GRK5: variants seen among roughly 807,000 people sequenced by gnomAD.
GRK5 encodes G protein-coupled receptor kinase 5, also known as g protein-coupled receptor kinase GRK5.
Under a neutral mutation model 78.4 loss-of-function variants are expected in GRK5, and 40 were observed. That is an observed-to-expected ratio of 0.51 (90% confidence interval 0.40 to 0.66). The LOEUF (loss-of-function observed/expected upper bound fraction) is 0.66. GRK5 is among the 30% of genes least tolerant of loss of function. GRK5 has a pLI of 0.00. For synonymous variants in GRK5, 289 were observed against 296.8 expected, an observed-to-expected ratio of 0.97 and a Z score of 0.27; for missense variants, 598 against 759.9, an observed-to-expected ratio of 0.79 and a Z score of 2.50.
chr10:119,443,789 G>A, intron 12 of GRK5, 37 bp downstream of exon 12: 6 of 1,540,088 alleles, frequency 3.9e-6, no homozygotes, highest in Non-Finnish European at 5.3e-6. Context: ...CCTCAAGCTG[G>A]TGGCTCCCCT....
At chr10:119,393,963 CTG>C (rs1251141902) in intron 3 of GRK5, among the ~76,000 whole-genome samples, 1 of 137,426 alleles carries the variant, frequency 7.3e-6, no homozygotes, top group Non-Finnish European at 1.6e-5. Flanking sequence ...GTGTGGGTGT[CTG>C]TGTGTAGGTG....
intron 6 of GRK5, among the ~76,000 whole-genome samples, chr10:119,425,423 C>G: frequency 6.6e-6 from 1 of 152,180 alleles, no homozygotes; most frequent in South Asian, 2.1e-4. Context: ...TAATCCAGTG[C>G]CCTGTTGATG....
intron 1 of GRK5, among the ~76,000 whole-genome samples, chr10:119,216,953 A>C (rs1589684053): frequency 6.6e-6 from 1 of 152,186 alleles, no homozygotes; most frequent in South Asian, 2.1e-4. Flanking sequence ...TTTAAAAAAA[A>C]ACATAAAAAT....
At chr10:119,265,833 G>A (rs572880073) in intron 1 of GRK5, among the ~76,000 whole-genome samples, 1 of 152,318 alleles carries the variant, frequency 6.6e-6, no homozygotes, top group Admixed American at 6.5e-5. Context: ...CTGGCCACAC[G>A]CCCTCTCAGC....
chr10:119,331,541 C>T (rs1432799659), intron 2 of GRK5, among the ~76,000 whole-genome samples: 2 of 152,252 alleles, frequency 1.3e-5, no homozygotes, highest in African/African-American at 4.8e-5. Context: ...GACACATGAG[C>T]TCACTTTCTG....
At position 119,253,559 on chromosome 10, in the gene GRK5, C is replaced by T. The variant is rs1182238739; in HGVS notation, c.52+45590C>T. ...TGTGATATGCTTGCGGGATGCTGCCCCACCACGGCTGGAACCAGGGCTTCA... is the reference window on the plus strand; with the variant it reads ...TGTGATATGCTTGCGGGATGCTGCCTCACCACGGCTGGAACCAGGGCTTCA... On this transcript the variant is annotated intron_variant, in intron 1 of 15. Transcript: ENST00000392870. This position sits in a 1 kb window ranked among gnomAD's most constrained non-coding sequence, Gnocchi z 5.7. Among the ~76,000 whole-genome samples the T allele has an allele frequency of 6.6e-6, 1 of 152,214 alleles. No individual in the cohort carries two copies. The highest frequency in any genetic ancestry group is 1.5e-5 in the Non-Finnish European group (1 of 68,038).
In GRK5 at chr10:119,407,700, C is replaced by A. The variant is rs568349560; in HGVS notation, c.339+10928C>A. Among the ~76,000 whole-genome samples the A allele has an allele frequency of 2.0e-4, 31 of 152,356 alleles. No individual in the cohort carries two copies. In the South Asian group the frequency reaches 6.4e-3, roughly 32 times the overall value. ...TTGTTTTACCCAGGCAGTCAGAGTT[C>A]TTTAGCTCATAATGGTAAAACAGGG... On this transcript the variant is annotated intron_variant, in intron 4 of 15. Transcript: ENST00000392870.
intron 3 of GRK5, among the ~76,000 whole-genome samples, chr10:119,394,055 T>TTGTG (rs974952938): frequency 8.6e-6 from 1 of 116,346 alleles, no homozygotes; most frequent in Non-Finnish European, 1.8e-5. Flanking sequence ...GGGTGTGTGG[T>TTGTG]TGTGTGTGTG....
intron 1 of GRK5, among the ~76,000 whole-genome samples, chr10:119,273,441 A>G (rs1849617135): frequency 6.6e-6 from 1 of 152,210 alleles, no homozygotes; most frequent in Admixed American, 6.5e-5. Context: ...CGTTTAAAAC[A>G]TATTCTACAT....
At chr10:119,306,450 T>A (rs575386731) in intron 1 of GRK5, among the ~76,000 whole-genome samples, 1 of 152,284 alleles carries the variant, frequency 6.6e-6, no homozygotes, top group Admixed American at 6.5e-5. Flanking sequence ...TGGATCATGA[T>A]TGCAGATTGA....
At chr10:119,212,921 C>T (rs558689505) in intron 1 of GRK5, 2 of 152,292 alleles carry the variant, frequency 1.3e-5, no homozygotes, top group South Asian at 4.1e-4. Context: ...TCATTTGAGC[C>T]CAGGAGTACT....
At chr10:119,311,332 A>G (rs747933967) in intron 1 of GRK5, among the ~76,000 whole-genome samples, 9 of 152,172 alleles carry the variant, frequency 5.9e-5, no homozygotes, top group Non-Finnish European at 1.3e-4. Context: ...GGGAGATGAG[A>G]CAGAGCCTGG....
At chr10:119,414,297 C>T (rs1309168940) in intron 4 of GRK5, among the ~76,000 whole-genome samples, 3 of 152,248 alleles carry the variant, frequency 2.0e-5, no homozygotes, top group Non-Finnish European at 2.9e-5. Context: ...TGTCCACTGA[C>T]GGAACCATGG....
At chr10:119,355,171 C>A (rs1851246914) in intron 2 of GRK5, among the ~76,000 whole-genome samples, 1 of 152,156 alleles carries the variant, frequency 6.6e-6, no homozygotes, top group Non-Finnish European at 1.5e-5. Context: ...CACAACAATC[C>A]ATTTCCTGTC....
rs2275038 is a variant in GRK5 at position 119,431,334 on chromosome 10, G to A, written c.598-53G>A. 0.04 allele frequency: 62,842 copies of A among 1,571,614 alleles called. 3,118 individuals carry two copies. The highest frequency in any genetic ancestry group is 0.19 in the African/African-American group (13,791 of 73,322). The stretch of plus-strand genomic sequence containing the variant: ...TGTGGTCCCCGCCCTGGAGGAGCTC[G>A]GGGCAGGCCTCCACGGTGCTCCTGC... On this transcript the variant is annotated intron_variant, in intron 7 of 15. Coordinates refer to ENST00000392870, the MANE Select transcript of GRK5 (RefSeq NM_005308.3). The surrounding 1 kb of genome is among the most constrained non-coding windows in gnomAD (Gnocchi z 4.8).
At chr10:119,387,339 A>C (rs1851816915) in intron 3 of GRK5, among the ~76,000 whole-genome samples, 1 of 152,088 alleles carries the variant, frequency 6.6e-6, no homozygotes, top group South Asian at 2.1e-4. Context: ...TTCTCAAGTC[A>C]AGTGGAAGGC....
At chr10:119,301,784 A>G (rs1042584506) in intron 1 of GRK5, among the ~76,000 whole-genome samples, 1 of 152,170 alleles carries the variant, frequency 6.6e-6, no homozygotes, top group African/African-American at 2.4e-5. Flanking sequence ...AACAGCAAAC[A>G]CTTATCGTGG....
rs575160079 is a variant in GRK5 at position 119,242,237 on chromosome 10, C to T, written c.52+34268C>T. Among the ~76,000 whole-genome samples, 20 of 152,060 alleles carry T rather than the reference C, an allele frequency of 1.3e-4. 1 individual carries two copies. The East Asian group carries it at 3.7e-3, about 28-fold the overall frequency. ...CTTACACCCTATTAAAGAAGAATAACGACTGAGTGACCAGAGATTGAATGC... is the reference window on the plus strand; with the variant it reads ...CTTACACCCTATTAAAGAAGAATAATGACTGAGTGACCAGAGATTGAATGC... On this transcript the variant is annotated intron_variant, in intron 1 of 15. Transcript: ENST00000392870.
At chr10:119,331,019 G>A (rs961946261) in intron 2 of GRK5, among the ~76,000 whole-genome samples, 1 of 152,158 alleles carries the variant, frequency 6.6e-6, no homozygotes, top group Non-Finnish European at 1.5e-5. Flanking sequence ...GGGAGCACCT[G>A]AGTGTCCCTC....
Sources: allele counts gnomAD v4.1 joint callset (sites outside exome capture counted in the v4.1 genomes callset), GRCh38; gene constraint gnomAD v4.1.1; non-coding constraint Gnocchi (gnomAD v3.1); transcripts MANE v1.5; gene names NCBI Gene and HGNC (gene_info 2026-07-23, HGNC 2026-07-21).